Variants in DTNA observed in about 807,000 individuals in gnomAD.
DTNA encodes the protein dystrophin-related protein 3.
DTNA carries 43 observed loss-of-function variants against 100.7 expected under a neutral mutation model. That is an observed-to-expected ratio of 0.43 (90% CI 0.33 to 0.55). The LOEUF (loss-of-function observed/expected upper bound fraction) is 0.55, where lower values mean the gene tolerates loss of function less well. DTNA is among the 20% of genes least tolerant of loss of function. DTNA has a pLI of 0.04. For missense variants in DTNA, 798 were observed against 953.9 expected, an observed-to-expected ratio of 0.84 and a Z score of 2.15; for synonymous variants, 349 against 347.9, an observed-to-expected ratio of 1.00 and a Z score of -0.04.
chr18:34,557,179 A>T (rs1276492903), intron 1 of DTNA, among the ~76,000 whole-genome samples: 3 of 148,806 alleles, frequency 2.0e-5, no homozygotes, highest in African/African-American at 7.6e-5. Flanking sequence ...AGGCTTCTGC[A>T]TTCTTCACGT....
At chr18:34,549,239 C>G (rs1347945888) in intron 1 of DTNA, among the ~76,000 whole-genome samples, 2 of 152,118 alleles carry the variant, frequency 1.3e-5, no homozygotes, top group African/African-American at 4.8e-5. Flanking sequence ...CCATCAGAAT[C>G]TCTCGAGAAC....
chr18:34,668,692 TC>T (rs1221244741), intron 1 of DTNA, among the ~76,000 whole-genome samples: 1 of 152,212 alleles, frequency 6.6e-6, no homozygotes, highest in East Asian at 1.9e-4. Flanking sequence ...TACCCAGTAG[TC>T]ATTCAGGAGC....
chr18:34,571,445 A>T (rs2047578217), intron 1 of DTNA, among the ~76,000 whole-genome samples: 1 of 152,150 alleles, frequency 6.6e-6, no homozygotes, highest in East Asian at 1.9e-4. Context: ...AACTCAGATG[A>T]AATATTCTGA....
chr18:34,583,580 TA>T (rs2048838355), intron 1 of DTNA, among the ~76,000 whole-genome samples: 1 of 149,172 alleles, frequency 6.7e-6, no homozygotes, highest in African/African-American at 2.5e-5. Context: ...AGCAGAGAGC[TA>T]TTGACTTTTT....
chr18:34,890,295 C>T lies in DTNA; in HGVS notation c.*2561C>T. The T allele has an allele frequency of 6.5e-7, 1 of 1,535,558 alleles. No individual in the cohort carries two copies. ...GACTAACCAGCCACCTTTTCTCTCT[C>T]TTAGCTCCACGTCAGCACTGAGACC... On this transcript the variant is annotated 3_prime_UTR_variant, in exon 23 of 23. Transcript: ENST00000444659.
chr18:34,538,548 G>A (rs762772654), intron 1 of DTNA, among the ~76,000 whole-genome samples: 27 of 151,934 alleles, frequency 1.8e-4, no homozygotes, highest in Non-Finnish European at 3.4e-4. Context: ...CTCATGGAGC[G>A]TTATGACCTT....
chr18:34,737,178 G>C (rs115531591), intron 1 of DTNA, among the ~76,000 whole-genome samples: 2 of 152,142 alleles, frequency 1.3e-5, no homozygotes, highest in African/African-American at 2.4e-5. Flanking sequence ...TACATAAAAG[G>C]CTATCTTAAT....
chr18:34,692,412 A>G (rs1171088604), intron 1 of DTNA, among the ~76,000 whole-genome samples: 18 of 152,208 alleles, frequency 1.2e-4, no homozygotes, highest in Non-Finnish European at 1.5e-5. Flanking sequence ...TAGGGTTCCA[A>G]TAGCTTAGCT....
intron 17 of DTNA, chr18:34,866,304 T>A: frequency 1.3e-6 from 2 of 1,490,062 alleles, no homozygotes; most frequent in African/African-American, 1.4e-5. Context: ...ATATATAAAT[T>A]TAGCATTTTT....
chr18:34,809,607 A>C (rs2095441242), intron 5 of DTNA, among the ~76,000 whole-genome samples: 1 of 152,194 alleles, frequency 6.6e-6, no homozygotes, highest in Non-Finnish European at 1.5e-5. Context: ...AATTCACGTT[A>C]AGCCAAAATG....
chr18:34,747,791 C>G lies in DTNA; in HGVS notation c.-1-8185C>G, dbSNP rs146311677. On this transcript the variant is annotated intron_variant, in intron 1 of 22. Transcript: ENST00000444659. ...TTTATCTTTGCAATTGCAAATTGTG[C>G]TGCAAATTGTGTCTTTTTCATATAA... Among the ~76,000 whole-genome samples, 214 of 152,194 alleles carry G rather than the reference C, an allele frequency of 1.4e-3. 1 individual carries two copies. Among genetic ancestry groups the G allele is most frequent in the African/African-American group, 4.2e-3 (176 of 41,518 alleles).
At chr18:34,814,041 C>G (rs765621360) in intron 6 of DTNA, among the ~76,000 whole-genome samples, 8 of 151,988 alleles carry the variant, frequency 5.3e-5, no homozygotes, top group Non-Finnish European at 1.0e-4. Flanking sequence ...AAATATGATT[C>G]TTTTTTAACA....
chr18:34,809,656 A>T (rs1275748297), intron 5 of DTNA, among the ~76,000 whole-genome samples: 1 of 152,144 alleles, frequency 6.6e-6, no homozygotes, highest in Non-Finnish European at 1.5e-5. Context: ...ATTTTTGTGC[A>T]TAGGGTTGAG....
intron 9 of DTNA, among the ~76,000 whole-genome samples, chr18:34,821,279 G>T (rs985617587): frequency 6.6e-6 from 1 of 152,166 alleles, no homozygotes; most frequent in East Asian, 1.9e-4. Context: ...TGTGCTTTGA[G>T]TTCCAAATAT....
intron 1 of DTNA, among the ~76,000 whole-genome samples, chr18:34,664,057 G>A (rs2075568713): frequency 6.6e-6 from 1 of 152,012 alleles, no homozygotes; most frequent in African/African-American, 2.4e-5. Flanking sequence ...ATCACTTGTT[G>A]AATTTCACTG....
At chr18:34,613,482 C>A (rs931606105) in intron 1 of DTNA, among the ~76,000 whole-genome samples, 2 of 152,098 alleles carry the variant, frequency 1.3e-5, no homozygotes, top group Non-Finnish European at 2.9e-5. Context: ...AAACAGTCAG[C>A]CAAATTGTAA....
intron 1 of DTNA, among the ~76,000 whole-genome samples, chr18:34,632,529 C>CCA (rs1359042687): frequency 2.0e-5 from 3 of 152,206 alleles, no homozygotes; most frequent in African/African-American, 7.2e-5. Context: ...GAACTCTTGT[C>CCA]CCCTGTCAGG....
chr18:34,537,505 CAT>C (rs1427635866), intron 1 of DTNA, among the ~76,000 whole-genome samples: 2 of 151,432 alleles, frequency 1.3e-5, no homozygotes, highest in African/African-American at 2.4e-5. Flanking sequence ...ATATAAATAA[CAT>C]GTTTTAAAAA....
intron 17 of DTNA, among the ~76,000 whole-genome samples, chr18:34,872,985 C>T (rs370215128): frequency 9.2e-5 from 14 of 152,218 alleles, no homozygotes; most frequent in East Asian, 7.7e-4. Flanking sequence ...GTTATCTCCT[C>T]TTAGCCTCAG....
Sources: gnomAD v4.1 joint callset for allele counts (sites outside exome capture counted in the v4.1 genomes callset) on GRCh38, gnomAD v4.1.1 for gene constraint, MANE v1.5 for transcripts, NCBI Gene and HGNC (gene_info 2026-07-23, HGNC 2026-07-21) for gene names.